Variants in ZNF568 observed in about 807,000 individuals in gnomAD.
ZNF568 encodes the protein p53 inhibitor of SCO2 activation.
Under a neutral mutation model 18.1 loss-of-function variants are expected in ZNF568, and 11 were observed. The ratio of observed to expected loss-of-function variants is 0.61; its 90% CI spans 0.38 to 1.00. ZNF568 has a LOEUF of 1.00. Ranked by LOEUF, ZNF568 falls within the 50% of genes least tolerant of loss-of-function variation. The probability of loss-of-function intolerance (pLI) is 0.01; values close to 1 mark genes in which losing one functional copy is unlikely to be tolerated. For synonymous variants in ZNF568, 213 were observed against 246.6 expected, an observed-to-expected ratio of 0.86 and a Z score of 1.28; for missense variants, 639 against 768.2, an observed-to-expected ratio of 0.83 and a Z score of 1.99.
chr19:36,948,658 A>ATTTTTTTTTTGTTTTTTTTTT (rs2074004880), intron 6 of ZNF568, among the ~76,000 whole-genome samples: 1 of 83,576 alleles, frequency 1.2e-5, no homozygotes, highest in Non-Finnish European at 2.2e-5. Context: ...TTTGTTGTTG[A>ATTTTTTTTTTGTTTTTTTTTT]TTTTTTTTTT....
At chr19:36,922,937 G>T in intron 3 of ZNF568, 91 bp downstream of exon 3, 2 of 1,068,292 alleles carry the variant, frequency 1.9e-6, no homozygotes, top group South Asian at 1.5e-5. Flanking sequence ...TACTGAGAAA[G>T]GTCACGTATG....
chr19:36,978,555 C>T (rs56161518), intron 7 of ZNF568, among the ~76,000 whole-genome samples: 34,318 of 152,014 alleles, frequency 0.23, 4,940 homozygotes, highest in Non-Finnish European at 0.33. Context: ...CCACACGTTA[C>T]GTGAAACTTT....
At chr19:36,978,946 T>G (rs1008940836) in intron 7 of ZNF568, 9 of 338,130 alleles carry the variant, frequency 2.7e-5, no homozygotes, top group Non-Finnish European at 4.5e-5. Context: ...AATTGCTGTA[T>G]CTCTTATAGT....
intron 6 of ZNF568, among the ~76,000 whole-genome samples, chr19:36,960,677 G>A (rs374126500): frequency 1.3e-5 from 2 of 150,878 alleles, no homozygotes; most frequent in Non-Finnish European, 1.5e-5. Context: ...GCAGTAAGCC[G>A]AGATCATGCC....
chr19:36,939,933 C>T (rs759530538), intron 6 of ZNF568, among the ~76,000 whole-genome samples: 3 of 152,154 alleles, frequency 2.0e-5, no homozygotes, highest in African/African-American at 7.2e-5. Flanking sequence ...ACAGGAAGTC[C>T]TCTATGCTGT....
chr19:36,939,573 T>C (rs796655394), intron 6 of ZNF568, among the ~76,000 whole-genome samples: 13 of 134,710 alleles, frequency 9.7e-5, no homozygotes, highest in African/African-American at 3.4e-4. Flanking sequence ...GGAGTCTCAC[T>C]CTGTCATCCA....
At chr19:36,920,740 A>T (rs886338036) in intron 2 of ZNF568, among the ~76,000 whole-genome samples, 4 of 152,178 alleles carry the variant, frequency 2.6e-5, no homozygotes, top group Non-Finnish European at 5.9e-5. Flanking sequence ...TACAGTGTTT[A>T]TAAAGTCTAC....
At chr19:36,956,670 C>T (rs898227786), downstream of ZNF568, among the ~76,000 whole-genome samples, 1 of 151,730 alleles carries the variant, frequency 6.6e-6, no homozygotes, top group Admixed American at 6.6e-5. Flanking sequence ...AATCTTGGCT[C>T]ACTGAAACCT....
chr19:36,964,285 A>T (rs1015102275), intron 6 of ZNF568, among the ~76,000 whole-genome samples: 4 of 150,736 alleles, frequency 2.7e-5, no homozygotes, highest in Admixed American at 2.6e-4. Flanking sequence ...GAAGGGAGGG[A>T]GGGTCCAAGT....
At chr19:36,939,543 T>C (rs1045999748) in intron 6 of ZNF568, among the ~76,000 whole-genome samples, 30 of 139,418 alleles carry the variant, frequency 2.2e-4, no homozygotes, top group African/African-American at 5.7e-4. Flanking sequence ...TTTTTTTTTT[T>C]TTTTTTTTTT....
Position 36,939,513 on chromosome 19 carries a change from T to C in ZNF568, c.358+2271T>C, listed in dbSNP as rs924610604. 4.7e-5 allele frequency among the ~76,000 whole-genome samples: 7 copies of C among 150,522 alleles called. No individual in the cohort carries two copies. The South Asian group carries it at 6.3e-4, about 14-fold the overall frequency. On this transcript the variant is annotated intron_variant, in intron 6 of 6. Coordinates refer to ENST00000333987, the MANE Select transcript of ZNF568 (RefSeq NM_198539.4). Reference sequence around the variant, plus strand: ...GGAGTTTAGCTATCTTTAAGGTTCATTGAAGATGTATTTTCTTTCTTTTTT... The same window carrying C: ...GGAGTTTAGCTATCTTTAAGGTTCACTGAAGATGTATTTTCTTTCTTTTTT...
intron 6 of ZNF568, among the ~76,000 whole-genome samples, chr19:36,938,166 C>G (rs12610850): frequency 0.21 from 31,342 of 152,022 alleles, 4,059 homozygotes; most frequent in East Asian, 0.58. Flanking sequence ...AGAACACACA[C>G]TGTCTTTGTT....
intron 2 of ZNF568, among the ~76,000 whole-genome samples, chr19:36,921,284 A>C (rs960101969): frequency 3.3e-5 from 5 of 152,074 alleles, no homozygotes; most frequent in Non-Finnish European, 5.9e-5. Context: ...CAACATGGAG[A>C]AATCCCATCT....
chr19:36,930,968 C>A (rs1304598893), intron 4 of ZNF568, among the ~76,000 whole-genome samples: 1 of 152,142 alleles, frequency 6.6e-6, no homozygotes, highest in African/African-American at 2.4e-5. Context: ...AGTCACATGT[C>A]TGTTCAGCCT....
At chr19:36,988,530 T>TA (rs2074396154) in intron 2 of ZNF568, among the ~76,000 whole-genome samples, 2 of 152,066 alleles carry the variant, frequency 1.3e-5, no homozygotes, top group Non-Finnish European at 2.9e-5. Flanking sequence ...GGGACACTTT[T>TA]AAACAGCCAG....
intron 6 of ZNF568, among the ~76,000 whole-genome samples, chr19:36,948,536 G>T (rs1188581626): frequency 6.6e-6 from 1 of 152,140 alleles, no homozygotes; most frequent in Admixed American, 6.6e-5. Context: ...GAAACTGCCA[G>T]ACTGTCTTCC....
intron 4 of ZNF568, among the ~76,000 whole-genome samples, chr19:36,925,892 T>C (rs1285191729): frequency 6.6e-6 from 1 of 152,204 alleles, no homozygotes; most frequent in Non-Finnish European, 1.5e-5. Context: ...TGAGCATCAG[T>C]GGATTTTGGT....
chr19:36,939,334 A>G (rs768447203), intron 6 of ZNF568, among the ~76,000 whole-genome samples: 2 of 152,032 alleles, frequency 1.3e-5, no homozygotes, highest in Non-Finnish European at 2.9e-5. Context: ...CAAAAAAATG[A>G]CTCATTCATT....
chr19:36,977,587 T>C lies in ZNF568; in HGVS notation c.406-1417T>C, dbSNP rs1336722103. Among the ~76,000 whole-genome samples, 3 of 152,214 alleles carry C rather than the reference T, an allele frequency of 2.0e-5. No individual in the cohort carries two copies. The East Asian group carries it at 5.8e-4, about 29-fold the overall frequency. On this transcript the variant is annotated intron_variant, in intron 7 of 7. Coordinates refer to the ZNF568 transcript ENST00000427117. ...TTCTTCAGAATTCTGTAAGAATTTG[T>C]TGAATTTCTCTTCCCATTACTGTAG... is the stretch of plus-strand genomic sequence containing the variant.
Sources: gnomAD v4.1 joint callset for allele counts (sites outside exome capture counted in the v4.1 genomes callset) on GRCh38, gnomAD v4.1.1 for gene constraint, MANE v1.5 for transcripts, NCBI Gene and HGNC (gene_info 2026-07-23, HGNC 2026-07-21) for gene names.